Variants in PSEN1 observed in about 807,000 individuals in gnomAD.
The protein encoded by PSEN1 is presenilin 1, also known as presenilin-1.
Under a neutral mutation model 53.5 loss-of-function variants are expected in PSEN1, and 15 were observed. The observed-to-expected ratio is 0.28, with a 90% CI of 0.19 to 0.43. PSEN1 has a LOEUF of 0.43. PSEN1 is among the 20% of genes least tolerant of loss of function. The pLI, the probability that PSEN1 is intolerant of heterozygous loss-of-function variation, is 1.00. For synonymous variants in PSEN1, 208 were observed against 209.8 expected (o/e 0.99, Z 0.08); for missense variants, 387 against 571.2 (o/e 0.68, Z 3.29).
intron 9 of PSEN1, among the ~76,000 whole-genome samples, chr14:73,209,221 C>T (rs973305707): frequency 3.9e-5 from 6 of 152,224 alleles, no homozygotes; most frequent in Admixed American, 6.5e-5. Flanking sequence ...GCAGGACTCC[C>T]GCCTGTTCCT....
rs1053296736 is a variant in PSEN1 at position 73,188,016 on chromosome 14, C to T, written c.548+1096C>T. On this transcript the variant is annotated intron_variant, in intron 6 of 11. Coordinates refer to ENST00000324501, the MANE Select transcript of PSEN1 (RefSeq NM_000021.4). ...TGATCTCGGCTCACTGCAACCCCCACCTCCTGGATTCAAGCGATTCTCCTG... is the reference window on the plus strand; with the variant it reads ...TGATCTCGGCTCACTGCAACCCCCATCTCCTGGATTCAAGCGATTCTCCTG... Among the ~76,000 whole-genome samples the T allele has an allele frequency of 3.3e-5, 5 of 152,088 alleles. No homozygotes were observed. In the East Asian group the frequency reaches 5.8e-4, roughly 18 times the overall value.
At position 73,214,879 on chromosome 14, in the gene PSEN1, C is replaced by T. The variant is rs971570078; in HGVS notation, c.1130-2247C>T. Among the ~76,000 whole-genome samples the T allele has an allele frequency of 2.2e-4, 33 of 152,136 alleles. 1 individual carries two copies. The highest frequency in any genetic ancestry group is 3.4e-3 in the Middle Eastern group (1 of 294). ...CGATGGTAATGGTAGCACAATGATA[C>T]GATTATACCTAGTGTCTTTGAACGG... On this transcript the variant is annotated intron_variant, in intron 10 of 11. Coordinates refer to ENST00000324501, the MANE Select transcript of PSEN1 (RefSeq NM_000021.4).
At chr14:73,200,174 G>T (rs567090489) in intron 8 of PSEN1, among the ~76,000 whole-genome samples, 3 of 152,286 alleles carry the variant, frequency 2.0e-5, no homozygotes, top group African/African-American at 7.2e-5. Flanking sequence ...AATGCTTTGG[G>T]TGATTATTTG....
intron 3 of PSEN1, among the ~76,000 whole-genome samples, chr14:73,152,914 G>A (rs999506402): frequency 2.0e-5 from 3 of 152,058 alleles, no homozygotes; most frequent in Non-Finnish European, 2.9e-5. Context: ...GTGGTGGTGC[G>A]CCCTTGTAAT....
chr14:73,145,745 C>G (rs1022914926), intron 1 of PSEN1, among the ~76,000 whole-genome samples: 1 of 152,166 alleles, frequency 6.6e-6, no homozygotes, highest in African/African-American at 2.4e-5. Context: ...TAAAGCTGAA[C>G]AGTTCTAAAC....
chr14:73,200,844 A>C (rs1194532441), intron 8 of PSEN1, among the ~76,000 whole-genome samples: 1 of 152,016 alleles, frequency 6.6e-6, no homozygotes, highest in Non-Finnish European at 1.5e-5. Flanking sequence ...TGAGGTCAGG[A>C]GTTTGAAACC....
In PSEN1 at chr14:73,219,724, A is replaced by G. The variant is rs1036820670; in HGVS notation, c.*435A>G. The stretch of plus-strand genomic sequence containing the variant: ...ATCTTAAACTACACGTTGAAAATCA[A>G]CCCAATAATTCTGTATTAACTGAAT... On this transcript the variant is annotated 3_prime_UTR_variant, in exon 12 of 12. Transcript: ENST00000324501. 9.0e-6 allele frequency: 2 copies of G among 223,100 alleles called. No individual in the cohort carries two copies. The highest frequency in any genetic ancestry group is 2.3e-5 in the African/African-American group (1 of 43,692). 13.8% of individuals were successfully genotyped at this position (223,100 alleles called of 1,614,324 possible).
intron 3 of PSEN1, among the ~76,000 whole-genome samples, chr14:73,154,822 G>A (rs1474224372): frequency 6.6e-6 from 1 of 152,182 alleles, no homozygotes; most frequent in Non-Finnish European, 1.5e-5. Context: ...TAGTTGATCA[G>A]CCTTACTAAT....
chr14:73,140,704 A>G (rs538525201), intron 1 of PSEN1, among the ~76,000 whole-genome samples: 1 of 152,336 alleles, frequency 6.6e-6, no homozygotes, highest in South Asian at 2.1e-4. Flanking sequence ...ATCCAAAAAA[A>G]TCTGAATTCT....
chr14:73,179,199 C>G (rs892001051), intron 5 of PSEN1, among the ~76,000 whole-genome samples: 1 of 152,228 alleles, frequency 6.6e-6, no homozygotes, highest in Admixed American at 6.5e-5. Context: ...TTGCCCCACT[C>G]TCTCGGGACT....
intron 7 of PSEN1, among the ~76,000 whole-genome samples, chr14:73,194,404 G>A (rs1195868175): frequency 4.0e-5 from 6 of 151,846 alleles, no homozygotes; most frequent in African/African-American, 1.5e-4. Flanking sequence ...CTACAGGCAT[G>A]CACTACCATG....
At chr14:73,218,990 T>G in intron 11 of PSEN1, 144 bp from the exon 12 acceptor site, 2 of 871,982 alleles carry the variant, frequency 2.3e-6, no homozygotes, top group Non-Finnish European at 3.8e-6. Flanking sequence ...TCTTCCAGAT[T>G]GAATGAACGT....
intron 7 of PSEN1, among the ~76,000 whole-genome samples, chr14:73,196,222 T>A (rs1410960363): frequency 1.3e-5 from 2 of 152,082 alleles, no homozygotes; most frequent in African/African-American, 4.8e-5. Flanking sequence ...AGCAATTCTT[T>A]AAGGGAGAGT....
intron 1 of PSEN1, 91 bp from the exon 2 acceptor site, chr14:73,147,704 T>G (rs1897111410): frequency 8.2e-6 from 3 of 364,230 alleles, no homozygotes; most frequent in Non-Finnish European, 1.6e-5. Context: ...CATTCCTGGT[T>G]TACAAATTGG....
chr14:73,216,068 A>AG (rs146224505), intron 10 of PSEN1, among the ~76,000 whole-genome samples: 3,398 of 152,316 alleles, frequency 0.022, 129 homozygotes, highest in African/African-American at 0.075. Context: ...CAACTGGTAA[A>AG]TGGATAAGCA....
chr14:73,145,895 T>C (rs1048865988), intron 1 of PSEN1, among the ~76,000 whole-genome samples: 1 of 151,918 alleles, frequency 6.6e-6, no homozygotes, highest in Non-Finnish European at 1.5e-5. Context: ...TCACTTGTGG[T>C]CAGGAGTTTG....
intron 11 of PSEN1, among the ~76,000 whole-genome samples, chr14:73,218,039 CG>C (rs561732998): frequency 6.7e-6 from 1 of 149,872 alleles, no homozygotes; most frequent in Non-Finnish European, 1.5e-5. Flanking sequence ...GTGCCTGCCT[CG>C]GCCTCCCAAA....
chr14:73,142,036 C>T (rs1285169007), intron 1 of PSEN1, among the ~76,000 whole-genome samples: 1 of 150,308 alleles, frequency 6.7e-6, no homozygotes, highest in Non-Finnish European at 1.5e-5. Flanking sequence ...CACTGCACTC[C>T]AGCCTGGGCG....
At chr14:73,167,710 A>C (rs1266666740) in intron 3 of PSEN1, 1 of 150,888 alleles carries the variant, frequency 6.6e-6, no homozygotes, top group African/African-American at 2.4e-5. Context: ...AGGTATGCTC[A>C]AGTCTCTAAC....
Sources: gnomAD v4.1 joint callset for allele counts (sites outside exome capture counted in the v4.1 genomes callset) on GRCh38, gnomAD v4.1.1 for gene constraint, MANE v1.5 for transcripts, NCBI Gene and HGNC (gene_info 2026-07-23, HGNC 2026-07-21) for gene names.